HTRA3: variants seen among roughly 807,000 people sequenced by gnomAD.
HTRA3 encodes serine protease HTRA3.
Under a neutral mutation model 43.2 loss-of-function variants are expected in HTRA3, and 41 were observed. The observed-to-expected ratio is 0.95, with a 90% CI of 0.74 to 1.23. The LOEUF is 1.23. HTRA3 is among the 50% of genes most tolerant of loss of function. The pLI, the probability that HTRA3 is intolerant of heterozygous loss-of-function variation, is 0.00. For missense variants in HTRA3, 628 were observed against 647.1 expected, an observed-to-expected ratio of 0.97 and a Z score of 0.32; for synonymous variants, 295 against 287.9, an observed-to-expected ratio of 1.02 and a Z score of -0.25.
chr4:8,297,419 C>G lies in HTRA3; in HGVS notation c.1051+3218C>G, dbSNP rs1713493278. On this transcript the variant is annotated intron_variant, in intron 6 of 8. Transcript: ENST00000307358. This position sits in a 1 kb window ranked among gnomAD's most constrained non-coding sequence, Gnocchi z 5.8. ...CACAGTCATTGTTCAAATGCTGGCT[C>G]TGTGTCTTGGACTCCTGTGAGCCAG... 6.6e-6 allele frequency among the ~76,000 whole-genome samples: 1 copy of G among 152,174 alleles called. No homozygotes were observed. Among genetic ancestry groups the G allele is most frequent in the South Asian group, 2.1e-4 (1 of 4,832 alleles).
chr4:8,288,307 C>T (rs964992938), intron 3 of HTRA3, among the ~76,000 whole-genome samples: 1 of 152,168 alleles, frequency 6.6e-6, no homozygotes, highest in African/African-American at 2.4e-5. Context: ...GGGTTTTGCC[C>T]TTGTTGCCCA....
At chr4:8,277,485 T>C (rs986565308) in intron 1 of HTRA3, among the ~76,000 whole-genome samples, 2 of 152,136 alleles carry the variant, frequency 1.3e-5, no homozygotes, top group African/African-American at 4.8e-5. Flanking sequence ...TACGAGGTGC[T>C]GTTGGGCCCA....
At chr4:8,275,614 C>T (rs899622260) in intron 1 of HTRA3, among the ~76,000 whole-genome samples, 1 of 152,208 alleles carries the variant, frequency 6.6e-6, no homozygotes, top group African/African-American at 2.4e-5. Context: ...GGGGCCTGTG[C>T]ACCCTTGGCC....
intron 1 of HTRA3, among the ~76,000 whole-genome samples, chr4:8,272,374 C>G (rs1469754042): frequency 7.0e-6 from 1 of 142,450 alleles, no homozygotes; most frequent in Non-Finnish European, 1.5e-5. Context: ...GCATGGGGAG[C>G]TCAGAAGGCC....
chr4:8,282,300 G>A (rs1239901059), intron 1 of HTRA3, 137 bp from the exon 2 acceptor site: 2 of 692,696 alleles, frequency 2.9e-6, no homozygotes, highest in Non-Finnish European at 5.0e-6. Context: ...AACGGGCTCA[G>A]TGTGGGCTGA....
chr4:8,305,597 G>A (rs1365266998), intron 8 of HTRA3, among the ~76,000 whole-genome samples: 6 of 152,156 alleles, frequency 3.9e-5, no homozygotes, highest in African/African-American at 1.4e-4. Context: ...AGACGTCTTC[G>A]TAACTGCAGT....
chr4:8,282,653 C>T (rs1712801260), intron 2 of HTRA3, 117 bp downstream of exon 2: 1 of 796,564 alleles, frequency 1.3e-6, no homozygotes, highest in Non-Finnish European at 2.1e-6. Context: ...CTGGAGTGGC[C>T]TGGGGTCAGG....
intron 8 of HTRA3, among the ~76,000 whole-genome samples, chr4:8,305,733 G>T (rs1713818147): frequency 6.6e-6 from 1 of 152,178 alleles, no homozygotes; most frequent in South Asian, 2.1e-4. Context: ...TGCAGCGGGA[G>T]CTTGAACCCA....
chr4:8,302,397 C>A, intron 6 of HTRA3, 66 bp from the exon 7 acceptor site: 5 of 1,443,836 alleles, frequency 3.5e-6, no homozygotes, highest in Admixed American at 1.7e-5. Context: ...CTCTGCCTGT[C>A]CCCTGAGGGA....
At chr4:8,291,285 C>G (rs564790731) in intron 3 of HTRA3, 85 bp from the exon 4 acceptor site, 182 of 1,198,490 alleles carry the variant, frequency 1.5e-4, no homozygotes, top group Non-Finnish European at 1.7e-4. Context: ...TTCCCTGGGA[C>G]CCCCCTGCCA....
chr4:8,286,831 G>T lies in HTRA3; in HGVS notation c.708+48G>T, dbSNP rs769920699. 7.6e-6 allele frequency: 11 copies of T among 1,448,028 alleles called. No homozygotes were observed. The South Asian group carries it at 1.3e-4, about 18-fold the overall frequency. The allele number at this position is 1,448,028 out of a possible 1,614,324, so 89.7% of individuals were successfully genotyped here. ...GCGGAAGCACCTGGGGCTGGGCATG[G>T]TGGCCTCTTCCCAGACGCCGGAACC... is the stretch of plus-strand genomic sequence containing the variant. On this transcript the variant is annotated intron_variant, in intron 3 of 8. Transcript: ENST00000307358. This position sits in a 1 kb window ranked among gnomAD's most constrained non-coding sequence, Gnocchi z 4.9.
chr4:8,271,464 G>A (rs940953465), intron 1 of HTRA3, among the ~76,000 whole-genome samples: 16 of 152,170 alleles, frequency 1.1e-4, no homozygotes, highest in Admixed American at 3.9e-4. Context: ...GGGTTCCTGG[G>A]AGCCCCGTGT....
At chr4:8,284,200 C>A (rs963269662) in intron 2 of HTRA3, among the ~76,000 whole-genome samples, 11 of 152,190 alleles carry the variant, frequency 7.2e-5, no homozygotes, top group African/African-American at 2.7e-4. Flanking sequence ...CCTCTCACTG[C>A]CCCCTTGGCA....
At chr4:8,288,997 T>G (rs1421143921) in intron 3 of HTRA3, among the ~76,000 whole-genome samples, 1 of 150,302 alleles carries the variant, frequency 6.7e-6, no homozygotes, top group African/African-American at 2.5e-5. Flanking sequence ...TTGCCCAGGC[T>G]GGAGTGCAGT....
intron 6 of HTRA3, among the ~76,000 whole-genome samples, chr4:8,300,914 C>G (rs754365812): frequency 5.3e-4 from 80 of 151,522 alleles, no homozygotes; most frequent in Non-Finnish European, 9.9e-4. Flanking sequence ...ACACTCTCAG[C>G]TTTATTATTG....
rs192647704 is a variant in HTRA3, at chr4:8,277,462, G to A, written c.386-4975G>A. ...CCACAGGTACACTCCCAAGGGACTA[G>A]CTTTGGGAAGGGTACGAGGTGCTGT... On this transcript the variant is annotated intron_variant, in intron 1 of 8. Coordinates refer to ENST00000307358, the MANE Select transcript of HTRA3 (RefSeq NM_053044.5). Among the ~76,000 whole-genome samples the A allele has an allele frequency of 9.7e-3, 1,298 of 134,282 alleles. 20 individuals are homozygous for A. Among genetic ancestry groups the A allele is most frequent in the African/African-American group, 0.03 (1,220 of 40,212 alleles). 88.1% of individuals were successfully genotyped at this position (134,282 alleles called of 152,430 possible).
chr4:8,288,936 C>CCTTCCTTCCTA (rs1560138863), intron 3 of HTRA3, among the ~76,000 whole-genome samples: 1 of 100,900 alleles, frequency 9.9e-6, no homozygotes, highest in Non-Finnish European at 1.9e-5. Flanking sequence ...CTTCCTTCCT[C>CCTTCCTTCCTA]CCTTCCTCCC....
intron 8 of HTRA3, among the ~76,000 whole-genome samples, chr4:8,305,744 C>T (rs1394879580): frequency 6.6e-6 from 1 of 152,114 alleles, no homozygotes; most frequent in African/African-American, 2.4e-5. Flanking sequence ...CTTGAACCCA[C>T]CCTTCTGACG....
rs1477411431 is a variant in HTRA3, at chr4:8,282,420, C to T, written c.386-17C>T. ...TCGTGATCTCACTGATGCACCTGGC[C>T]CTTCCCGCCAGCGCAGGTCTCCACC... On this transcript the variant is annotated splice_polypyrimidine_tract_variant and intron_variant, in intron 1 of 8. Transcript: ENST00000307358. The T allele has an allele frequency of 1.9e-6, 3 of 1,602,422 alleles. No individual in the cohort carries two copies. Among genetic ancestry groups the T allele is most frequent in the South Asian group, 1.1e-5 (1 of 89,982 alleles).
Sources: allele counts gnomAD v4.1 joint callset (sites outside exome capture counted in the v4.1 genomes callset), GRCh38; gene constraint gnomAD v4.1.1; non-coding constraint Gnocchi (gnomAD v3.1); transcripts MANE v1.5; gene names NCBI Gene and HGNC (gene_info 2026-07-23, HGNC 2026-07-21).